The following FGF13 variants were observed in gnomAD, a reference collection of about 807,000 sequenced individuals.
FGF13 encodes fibroblast growth factor 13.
Under a neutral mutation model 19.5 loss-of-function variants are expected in FGF13, and 2 were observed. The ratio of observed to expected loss-of-function variants is 0.10; its 90% confidence interval spans 0.04 to 0.32. The LOEUF (loss-of-function observed/expected upper bound fraction) is 0.32. Among genes scored for constraint, FGF13 ranks in the 10% least tolerant of loss-of-function variants. The pLI is 1.00. For synonymous variants in FGF13, 72 were observed against 76.9 expected (o/e 0.94, Z 0.33); for missense variants, 113 against 192.7 (o/e 0.59, Z 2.45).
At chrX:139,164,852 A>T (rs2148258089) in intron 1 of FGF13, among the ~76,000 whole-genome samples, 1 of 111,176 alleles carries the variant, frequency 9.0e-6, no homozygotes, top group African/African-American at 3.3e-5. Flanking sequence ...TGAACTACTT[A>T]ATATTATTTT....
At chrX:138,815,503 T>C (rs936028989) in intron 3 of FGF13, among the ~76,000 whole-genome samples, 5 of 109,488 alleles carry the variant, frequency 4.6e-5, no homozygotes, top group African/African-American at 1.7e-4. Context: ...TGAAAAAAAA[T>C]GCAGGTGTGG....
At chrX:138,952,152 G>C (rs2091816524) in intron 1 of FGF13, among the ~76,000 whole-genome samples, 1 of 111,382 alleles carries the variant, frequency 9.0e-6, no homozygotes, top group African/African-American at 3.3e-5. Context: ...AAAGCTAGAG[G>C]CATCATGCTA....
chrX:138,772,145 A>T (rs1419893565), intron 3 of FGF13, among the ~76,000 whole-genome samples: 3 of 104,847 alleles, frequency 2.9e-5, no homozygotes, highest in Non-Finnish European at 5.9e-5. Flanking sequence ...TTTTAAAATT[A>T]ATATACTGAA....
chrX:139,058,355 A>C (rs1267860760), intron 1 of FGF13, among the ~76,000 whole-genome samples: 1 of 111,964 alleles, frequency 8.9e-6, no homozygotes, highest in Non-Finnish European at 1.9e-5. Context: ...TATCTTCTTC[A>C]TGAAAGCTAT....
At chrX:138,852,480 G>C (rs2091229347) in intron 3 of FGF13, among the ~76,000 whole-genome samples, 2 of 111,816 alleles carry the variant, frequency 1.8e-5, no homozygotes, top group Non-Finnish European at 3.8e-5. Context: ...AATAAATGGT[G>C]CTGGGTGAAC....
intron 3 of FGF13, among the ~76,000 whole-genome samples, chrX:138,764,203 T>C (rs2124333900): frequency 8.9e-6 from 1 of 112,048 alleles, no homozygotes; most frequent in Admixed American, 9.5e-5. Context: ...TCTCTGAACC[T>C]GGGCCATAGA....
intron 1 of FGF13, among the ~76,000 whole-genome samples, chrX:138,990,324 A>C (rs2124346263): frequency 9.0e-6 from 1 of 110,875 alleles, no homozygotes; most frequent in Admixed American, 9.7e-5. Flanking sequence ...ATTATTAAAA[A>C]ATAAAAATAA....
upstream of FGF13, among the ~76,000 whole-genome samples, chrX:138,740,805 C>A (rs1489332988): frequency 1.8e-5 from 2 of 112,420 alleles, no homozygotes; most frequent in Non-Finnish European, 3.8e-5. Flanking sequence ...TTGCTGTCAC[C>A]ATTTTGAAAC....
At chrX:138,719,510 G>A (rs927259656) in intron 1 of FGF13, among the ~76,000 whole-genome samples, 1 of 111,543 alleles carries the variant, frequency 9.0e-6, no homozygotes, top group Admixed American at 9.5e-5. Flanking sequence ...GAGACCCAAA[G>A]GACACTTCCC....
chrX:139,173,129 A>T (rs1199613920), intron 1 of FGF13, among the ~76,000 whole-genome samples: 1 of 112,147 alleles, frequency 8.9e-6, no homozygotes, highest in Non-Finnish European at 1.9e-5. Context: ...TAACATAGGA[A>T]GTGATTCCTT....
intron 1 of FGF13, among the ~76,000 whole-genome samples, chrX:139,153,130 C>G (rs1332709517): frequency 9.0e-6 from 1 of 111,219 alleles, no homozygotes; most frequent in East Asian, 2.8e-4. Flanking sequence ...AAGTATTGAT[C>G]AGATTGAACT....
At chrX:138,774,854 G>C (rs935602348) in intron 3 of FGF13, among the ~76,000 whole-genome samples, 5 of 112,523 alleles carry the variant, frequency 4.4e-5, no homozygotes, top group African/African-American at 1.6e-4. Context: ...CAAAATAGTT[G>C]ATTGTCAGCA....
intron 1 of FGF13, among the ~76,000 whole-genome samples, chrX:139,177,238 C>CTT (rs35867493): frequency 0.11 from 5,329 of 49,612 alleles, 546 homozygotes; most frequent in Non-Finnish European, 0.13. Context: ...GCAACCCCTG[C>CTT]TTTTTTTTTT....
intron 3 of FGF13, among the ~76,000 whole-genome samples, chrX:138,655,815 A>C (rs996237650): frequency 3.6e-5 from 4 of 112,172 alleles, no homozygotes; most frequent in Non-Finnish European, 7.5e-5. Flanking sequence ...GCTAATATTA[A>C]CGCTTTGCAT....
intron 1 of FGF13, among the ~76,000 whole-genome samples, chrX:138,943,032 C>A (rs1452437491): frequency 8.9e-6 from 1 of 112,138 alleles, no homozygotes; most frequent in Non-Finnish European, 1.9e-5. Context: ...AAAATCCCCC[C>A]AAAAACCCAC....
chrX:138,750,042 A>G (rs2090386387), intron 3 of FGF13, among the ~76,000 whole-genome samples: 1 of 111,658 alleles, frequency 9.0e-6, no homozygotes, highest in African/African-American at 3.3e-5. Flanking sequence ...AATTAAGGCA[A>G]TGACACTGTG....
chrX:139,126,240 C>T (rs2083714941), intron 1 of FGF13, among the ~76,000 whole-genome samples: 1 of 111,649 alleles, frequency 9.0e-6, no homozygotes, highest in African/African-American at 3.3e-5. Context: ...TGACCCTTCC[C>T]ATAGAACGTC....
At chrX:139,006,357 A>C (rs2092101205) in intron 1 of FGF13, among the ~76,000 whole-genome samples, 1 of 111,757 alleles carries the variant, frequency 8.9e-6, no homozygotes, top group African/African-American at 3.3e-5. Flanking sequence ...CATGAAGGAG[A>C]AATAAAAACT....
chrX:138,764,315 C>T (rs1389647711), intron 3 of FGF13, among the ~76,000 whole-genome samples: 1 of 112,294 alleles, frequency 8.9e-6, no homozygotes, highest in Non-Finnish European at 1.9e-5. Flanking sequence ...TTCTATTTTT[C>T]TGCCCGAAAT....
Sources: gnomAD v4.1 joint callset for allele counts (sites outside exome capture counted in the v4.1 genomes callset) on GRCh38, gnomAD v4.1.1 for gene constraint, MANE v1.5 for transcripts, NCBI Gene and HGNC (gene_info 2026-07-23, HGNC 2026-07-21) for gene names.